Variants in HOXC4 observed in about 807,000 individuals in gnomAD.
HOXC4 encodes the protein homeobox protein Hox-C4.
In HOXC4, 15 loss-of-function variants were observed where a neutral mutation model predicts 25.5. The ratio of observed to expected loss-of-function variants is 0.59; its 90% CI spans 0.39 to 0.91. HOXC4 has a LOEUF of 0.91. HOXC4 is among the 40% of genes least tolerant of loss of function. HOXC4 has a pLI of 0.00. For synonymous variants in HOXC4, 165 were observed against 148.0 expected (o/e 1.11, Z -0.83); for missense variants, 342 against 352.4 (o/e 0.97, Z 0.24).
At chr12:54,044,725 T>G (rs200345335) in intron 1 of HOXC4, among the ~76,000 whole-genome samples, 4 of 146,938 alleles carry the variant, frequency 2.7e-5, no homozygotes, top group South Asian at 2.1e-4. Flanking sequence ...GTGTGTGTGT[T>G]TGTGTGTGTG....
At chr12:54,049,951 T>C (rs1937807515), upstream of HOXC4, among the ~76,000 whole-genome samples, 1 of 140,558 alleles carries the variant, frequency 7.1e-6, no homozygotes, top group Non-Finnish European at 1.6e-5. Context: ...CAATTTTTAA[T>C]CCCTAAAACA....
At chr12:54,051,269 A>T (rs762744848), upstream of HOXC4, among the ~76,000 whole-genome samples, 2 of 151,198 alleles carry the variant, frequency 1.3e-5, no homozygotes, top group African/African-American at 4.9e-5. Flanking sequence ...CTCTTCATCA[A>T]CCCTCTCCAC....
intron 1 of HOXC4, among the ~76,000 whole-genome samples, chr12:54,036,259 C>T (rs1941183658): frequency 6.6e-6 from 1 of 152,114 alleles, no homozygotes; most frequent in Non-Finnish European, 1.5e-5. Flanking sequence ...TACTGCATTT[C>T]CTCTCCCACC....
intron 1 of HOXC4, among the ~76,000 whole-genome samples, chr12:54,040,714 G>C (rs1047402070): frequency 1.3e-5 from 2 of 152,172 alleles, no homozygotes; most frequent in African/African-American, 4.8e-5. Flanking sequence ...TCAAATTCTG[G>C]CTGTGATTAT....
upstream of HOXC4, among the ~76,000 whole-genome samples, chr12:54,052,499 A>AC (rs1937868365): frequency 6.9e-6 from 1 of 145,480 alleles, no homozygotes; most frequent in Non-Finnish European, 1.5e-5. Context: ...CCCCTCCGCT[A>AC]CCCCCCGCAA....
At chr12:54,023,172 G>T (rs1259895883) in intron 1 of HOXC4, among the ~76,000 whole-genome samples, 2 of 152,160 alleles carry the variant, frequency 1.3e-5, no homozygotes, top group Non-Finnish European at 2.9e-5. Flanking sequence ...AATAGAGGTG[G>T]GAGGCTTGGG....
chr12:54,024,480 A>T (rs1940600127), intron 1 of HOXC4, among the ~76,000 whole-genome samples: 1 of 152,304 alleles, frequency 6.6e-6, no homozygotes, highest in Admixed American at 6.5e-5. Flanking sequence ...GAGAGAGGAG[A>T]CAGGGAGAAC....
chr12:54,029,627 T>G (rs773395635), intron 1 of HOXC4: 62 of 1,602,054 alleles, frequency 3.9e-5, no homozygotes, highest in Non-Finnish European at 5.2e-5. Context: ...CTGATTGCTT[T>G]TAGTGTGTTT....
upstream of HOXC4, chr12:54,053,570 G>A: frequency 3.9e-6 from 1 of 258,166 alleles, no homozygotes; most frequent in Non-Finnish European, 7.4e-6. Context: ...CCTCCCGACA[G>A]TCCCCCAATG....
chr12:54,033,671 T>G, intron 1 of HOXC4: 3 of 1,130,166 alleles, frequency 2.7e-6, no homozygotes, highest in Non-Finnish European at 3.7e-6. Flanking sequence ...GGCCATAAAT[T>G]TTACGATCCA....
At chr12:54,028,481 A>G (rs1198927249) in intron 1 of HOXC4, 1 of 1,585,952 alleles carries the variant, frequency 6.3e-7, no homozygotes, top group South Asian at 1.2e-5. Flanking sequence ...ACAGAAATAA[A>G]TATTAAAGAA....
chr12:54,050,481 G>C (rs147459898), upstream of HOXC4, among the ~76,000 whole-genome samples: 1,221 of 152,334 alleles, frequency 8.0e-3, 16 homozygotes, highest in African/African-American at 0.027. Flanking sequence ...GGAGGCAGGA[G>C]GGTGAAACAC....
At chr12:54,034,071 A>G in intron 1 of HOXC4, 1 of 710,520 alleles carries the variant, frequency 1.4e-6, no homozygotes, top group African/African-American at 1.7e-5. Flanking sequence ...TGCAGAGTGA[A>G]GGCTGCGGTG....
At chr12:54,044,919 C>T (rs898515944) in intron 1 of HOXC4, among the ~76,000 whole-genome samples, 23 of 152,140 alleles carry the variant, frequency 1.5e-4, no homozygotes, top group African/African-American at 5.3e-4. Context: ...AAGTTAAGAG[C>T]CCTCTAATTC....
upstream of HOXC4, chr12:54,053,071 G>C (rs1937883868): frequency 6.6e-6 from 1 of 152,520 alleles, no homozygotes; most frequent in South Asian, 2.1e-4. Context: ...CCTCTGCTCT[G>C]GGGCTGGGGC....
intron 1 of HOXC4, chr12:54,029,070 C>G: frequency 1.3e-6 from 1 of 788,682 alleles, no homozygotes; most frequent in Admixed American, 2.9e-5. Context: ...CCCTCTTCTG[C>G]CCCCTCAGCT....
chr12:54,052,371 T>C (rs1937865882), upstream of HOXC4, among the ~76,000 whole-genome samples: 1 of 152,234 alleles, frequency 6.6e-6, no homozygotes, highest in Non-Finnish European at 1.5e-5. Flanking sequence ...AACAGTTAAC[T>C]TTATGTGTCA....
At chr12:54,042,055 C>T (rs191046509) in intron 1 of HOXC4, among the ~76,000 whole-genome samples, 20 of 151,186 alleles carry the variant, frequency 1.3e-4, no homozygotes, top group African/African-American at 3.4e-4. Context: ...CTCAGCTCAC[C>T]GCAAACTCTG....
intron 1 of HOXC4, among the ~76,000 whole-genome samples, chr12:54,027,682 G>A (rs1269799365): frequency 6.6e-6 from 1 of 152,078 alleles, no homozygotes; most frequent in Admixed American, 6.5e-5. Flanking sequence ...TGCTGGAAGA[G>A]TTTTCCCAAC....
Sources: allele counts gnomAD v4.1 joint callset (sites outside exome capture counted in the v4.1 genomes callset), GRCh38; gene constraint gnomAD v4.1.1; transcripts MANE v1.5; gene names NCBI Gene and HGNC (gene_info 2026-07-23, HGNC 2026-07-21).